STXBP4: variants seen among roughly 807,000 people sequenced by gnomAD.
STXBP4 encodes the protein syntaxin-binding protein 4.
STXBP4 carries 55 observed loss-of-function variants against 76.1 expected under a neutral mutation model. The ratio of observed to expected loss-of-function variants is 0.72; its 90% CI spans 0.58 to 0.91. The LOEUF is 0.91. STXBP4 is among the 40% of genes least tolerant of loss of function. The pLI is 0.00. For synonymous variants in STXBP4, 201 were observed against 220.2 expected (o/e 0.91, Z 0.77); for missense variants, 618 against 636.9 (o/e 0.97, Z 0.32).
chr17:55,152,345 T>G (rs184115896), intron 17 of STXBP4, among the ~76,000 whole-genome samples: 3 of 152,286 alleles, frequency 2.0e-5, no homozygotes, highest in Admixed American at 2.0e-4. Flanking sequence ...GTAAAAAATA[T>G]GACTGCTGGC....
intron 12 of STXBP4, among the ~76,000 whole-genome samples, chr17:55,053,831 T>C (rs2078891701): frequency 6.6e-6 from 1 of 152,172 alleles, no homozygotes; most frequent in Non-Finnish European, 1.5e-5. Flanking sequence ...TGTTAGTTTT[T>C]ATATGTAGGA....
At chr17:54,982,594 TTGTG>T (rs61223151) in intron 1 of STXBP4, among the ~76,000 whole-genome samples, 12,609 of 148,854 alleles carry the variant, frequency 0.085, 1,444 homozygotes, top group African/African-American at 0.27. Flanking sequence ...TGAGGGTGGT[TTGTG>T]TGTGTGTGTG....
chr17:55,110,642 C>T (rs898878190), intron 16 of STXBP4, among the ~76,000 whole-genome samples: 1 of 152,062 alleles, frequency 6.6e-6, no homozygotes, highest in Non-Finnish European at 1.5e-5. Flanking sequence ...GCCTTGTAGC[C>T]GTATTTTCTC....
At chr17:54,997,685 C>T (rs150357893) in intron 4 of STXBP4, among the ~76,000 whole-genome samples, 3,006 of 147,926 alleles carry the variant, frequency 0.02, 88 homozygotes, top group African/African-American at 0.072. Context: ...ACCTTGACCT[C>T]CTGGGCTCAA....
At chr17:55,183,239 C>T in the STXBP4 span, among the ~76,000 whole-genome samples, 18 of 152,186 alleles carry the variant, frequency 1.2e-4, no homozygotes, top group African/African-American at 4.3e-4. Context: ...ATCTCTCAAT[C>T]AACCACCATA....
In STXBP4 at chr17:55,145,929, A is replaced by G. The variant is rs374998645; in HGVS notation, c.1547+4562A>G. On this transcript the variant is annotated intron_variant, in intron 17 of 17. Transcript: ENST00000376352. ...ACATTCTTAAATTTAATAACAAACC[A>G]TCCATGATCTTGAGAGTGCTATAAT... Among the ~76,000 whole-genome samples the G allele has an allele frequency of 2.0e-5, 3 of 152,184 alleles. No homozygotes were observed. The East Asian group carries it at 5.8e-4, about 29-fold the overall frequency.
intron 4 of STXBP4, among the ~76,000 whole-genome samples, chr17:54,994,511 A>G (rs17745391): frequency 0.23 from 35,661 of 152,232 alleles, 4,658 homozygotes; most frequent in South Asian, 0.31. Flanking sequence ...TGTTCAATTC[A>G]TTAACACATA....
intron 16 of STXBP4, among the ~76,000 whole-genome samples, chr17:55,106,782 A>T (rs1416804259): frequency 1.3e-5 from 2 of 152,154 alleles, no homozygotes; most frequent in African/African-American, 2.4e-5. Flanking sequence ...CATGTTGAAT[A>T]TTGGTCCCCA....
In STXBP4 at chr17:55,073,079, A is replaced by T. The variant is rs1241599111; in HGVS notation, c.1188+3A>T. On this transcript the variant is annotated splice_donor_region_variant and intron_variant, in intron 13 of 17. Coordinates refer to ENST00000376352, the MANE Select transcript of STXBP4 (RefSeq NM_178509.6). Reference sequence around the variant, plus strand: ...CTGATTATTCTGACCAAAATAAAGTAAGCAAAGCAGTCATCTCTTCCAGTT... The same window carrying T: ...CTGATTATTCTGACCAAAATAAAGTTAGCAAAGCAGTCATCTCTTCCAGTT... 1.9e-6 allele frequency: 3 copies of T among 1,612,718 alleles called. No homozygotes were observed. The South Asian group carries it at 3.3e-5, about 18-fold the overall frequency.
chr17:55,184,444 C>T, the STXBP4 span, among the ~76,000 whole-genome samples: 1 of 152,210 alleles, frequency 6.6e-6, no homozygotes, highest in Non-Finnish European at 1.5e-5. Context: ...AACTTTCTAG[C>T]ACCCTTGAAG....
chr17:55,002,548 G>A (rs1028977790), intron 7 of STXBP4, among the ~76,000 whole-genome samples: 1 of 152,134 alleles, frequency 6.6e-6, no homozygotes, highest in Admixed American at 6.5e-5. Context: ...AGTTTTTTGT[G>A]TTAATCAGAG....
intron 12 of STXBP4, among the ~76,000 whole-genome samples, chr17:55,056,900 T>G (rs1414690802): frequency 2.0e-5 from 3 of 152,226 alleles, no homozygotes; most frequent in African/African-American, 7.2e-5. Flanking sequence ...CAACTCTAAA[T>G]TTAGCAGTAT....
At chr17:55,130,336 A>G (rs1192292266) in intron 16 of STXBP4, among the ~76,000 whole-genome samples, 3 of 152,208 alleles carry the variant, frequency 2.0e-5, no homozygotes, top group Non-Finnish European at 4.4e-5. Context: ...GCAACAGTAG[A>G]AAACTGTTGC....
chr17:55,148,846 G>A (rs1195069784), intron 17 of STXBP4, among the ~76,000 whole-genome samples: 2 of 152,174 alleles, frequency 1.3e-5, no homozygotes, highest in Admixed American at 1.3e-4. Flanking sequence ...TTGGCTTTTA[G>A]TGGACACTGT....
chr17:55,197,760 A>G, the STXBP4 span, among the ~76,000 whole-genome samples: 3 of 151,978 alleles, frequency 2.0e-5, no homozygotes, highest in African/African-American at 4.8e-5. Flanking sequence ...AAAAAGAAGA[A>G]AAAAGAAAAA....
At chr17:55,138,567 T>C (rs2080061041) in intron 16 of STXBP4, among the ~76,000 whole-genome samples, 1 of 152,090 alleles carries the variant, frequency 6.6e-6, no homozygotes, top group African/African-American at 2.4e-5. Context: ...TCATAGACAA[T>C]ACTTCTAATC....
In STXBP4 at chr17:55,007,611, A is replaced by G. The variant is rs1316401544; in HGVS notation, c.666+14A>G. On this transcript the variant is annotated intron_variant, in intron 8 of 17. Coordinates refer to ENST00000376352, the MANE Select transcript of STXBP4 (RefSeq NM_178509.6). ...AAACTGGAAATGGTAAAACCTTTAA[A>G]TTTTCATTTTTCTTCCATAAGACAA... 2 of 1,586,950 alleles carry G rather than the reference A, an allele frequency of 1.3e-6. No homozygotes were observed. The highest frequency in any genetic ancestry group is 1.7e-6 in the Non-Finnish European group (2 of 1,164,128).
At chr17:55,079,609 A>G (rs957466763) in intron 15 of STXBP4, among the ~76,000 whole-genome samples, 2 of 151,802 alleles carry the variant, frequency 1.3e-5, no homozygotes, top group African/African-American at 4.8e-5. Flanking sequence ...AAAAAAAAAA[A>G]AAAAAAGAAA....
At chr17:55,007,691 G>A in intron 8 of STXBP4, 94 bp downstream of exon 8, 1 of 861,552 alleles carries the variant, frequency 1.2e-6, no homozygotes, top group Non-Finnish European at 1.8e-6. Context: ...GGAGTCATTA[G>A]TTTCTTGAAG....
Sources: allele counts gnomAD v4.1 joint callset (sites outside exome capture counted in the v4.1 genomes callset), GRCh38; gene constraint gnomAD v4.1.1; transcripts MANE v1.5; gene names NCBI Gene and HGNC (gene_info 2026-07-23, HGNC 2026-07-21).